Variants in NALCN observed in about 807,000 individuals in gnomAD.
NALCN encodes the protein sodium leak channel, non-selective.
NALCN carries 111 observed loss-of-function variants against 225.3 expected under a neutral mutation model. The observed-to-expected ratio is 0.49, with a 90% CI of 0.42 to 0.58. The LOEUF (loss-of-function observed/expected upper bound fraction) is 0.58, where lower values mean the gene tolerates loss of function less well. Ranked by LOEUF, NALCN falls within the 20% of genes least tolerant of loss-of-function variation. The pLI is 0.00. For missense variants in NALCN, 1,378 were observed against 2,202.4 expected, an observed-to-expected ratio of 0.63 and a Z score of 7.49; for synonymous variants, 764 against 769.0, an observed-to-expected ratio of 0.99 and a Z score of 0.11.
At chr13:101,266,922 C>T (rs990645514) in intron 10 of NALCN, among the ~76,000 whole-genome samples, 1 of 152,180 alleles carries the variant, frequency 6.6e-6, no homozygotes, top group African/African-American at 2.4e-5. Context: ...AAAGGTAACA[C>T]TTATATCAAC....
At chr13:101,192,094 G>C (rs369092069) in intron 13 of NALCN, 40 bp from the exon 14 acceptor site, 274 of 1,562,562 alleles carry the variant, frequency 1.8e-4, no homozygotes, top group Non-Finnish European at 2.2e-4. Flanking sequence ...ACTAGCTTTA[G>C]GCTTGCATAC....
At chr13:101,366,690 G>C (rs2046385084) in intron 6 of NALCN, among the ~76,000 whole-genome samples, 2 of 152,142 alleles carry the variant, frequency 1.3e-5, no homozygotes, top group Non-Finnish European at 2.9e-5. Context: ...GCAGCACCAT[G>C]TGATGTTTTG....
rs764012454 is a variant in NALCN at position 101,378,549 on chromosome 13, A to AT, written c.375+20dup. On this transcript the variant is annotated intron_variant, in intron 4 of 43. Coordinates refer to ENST00000251127, the MANE Select transcript of NALCN (RefSeq NM_052867.4). ...CCATTTTGGAGAATACCTGCTTGTA[A>AT]TTTAAAAAATATTTAATTACCTGTA... is the stretch of plus-strand genomic sequence containing the variant. The AT allele has an allele frequency of 3.8e-6, 6 of 1,579,332 alleles. No homozygotes were observed. The South Asian group carries it at 7.2e-5, about 19-fold the overall frequency.
At chr13:101,297,803 A>T (rs1438916550) in intron 7 of NALCN, among the ~76,000 whole-genome samples, 1 of 152,192 alleles carries the variant, frequency 6.6e-6, no homozygotes, top group Non-Finnish European at 1.5e-5. Flanking sequence ...ACTGTCTGGG[A>T]ATAGACTTTC....
intron 14 of NALCN, among the ~76,000 whole-genome samples, chr13:101,188,611 T>C: frequency 6.6e-6 from 1 of 150,768 alleles, no homozygotes; most frequent in Non-Finnish European, 1.5e-5. Flanking sequence ...TATATACATA[T>C]ATACACACAT....
rs1383354763 is a variant in NALCN, at chr13:101,147,353, TC to T, written c.1840-2458del. Among the ~76,000 whole-genome samples the T allele has an allele frequency of 4.6e-3, 631 of 137,526 alleles. 9 individuals are homozygous for T. The highest frequency in any genetic ancestry group is 0.016 in the African/African-American group (597 of 36,582). 90.2% of individuals were successfully genotyped at this position (137,526 alleles called of 152,430 possible). On this transcript the variant is annotated intron_variant, in intron 15 of 43. Transcript: ENST00000251127. Reference sequence around the variant, plus strand: ...CACTGCCTTTTTCTTCCTCTCTCTCTCTTTTTTTTTTTTTTTTTTGAGATGG... The same window carrying T: ...CACTGCCTTTTTCTTCCTCTCTCTCTTTTTTTTTTTTTTTTTTTGAGATGG...
chr13:101,166,163 G>A (rs556705362), intron 15 of NALCN, among the ~76,000 whole-genome samples: 7 of 152,186 alleles, frequency 4.6e-5, no homozygotes, highest in African/African-American at 1.7e-4. Flanking sequence ...GGACACTAGG[G>A]TTGCTTCCAC....
At position 101,055,338 on chromosome 13, in the gene NALCN, G is replaced by A; in HGVS notation, c.5174C>T (p.Thr1725Ile). The A allele has an allele frequency of 6.2e-7, 1 of 1,614,026 alleles. No individual in the cohort carries two copies. The highest frequency in any genetic ancestry group is 8.5e-7 in the Non-Finnish European group (1 of 1,179,946). The change falls in exon 44 of 44, where the codon ACT becomes ATT. Residue 1725 changes from threonine (T) to isoleucine (I), a missense_variant. By Grantham distance (89) the Thr-to-Ile change is moderately conservative. Transcript: ENST00000251127. ...EVKKWWTRQL[T>I]VESDESGDDL... The stretch of plus-strand genomic sequence containing the variant: ...ATCCCCACTTTCGTCGCTCTCCACA[G>A]TCAGCTGCCGGGTCCACCACTTCTT...
intron 6 of NALCN, among the ~76,000 whole-genome samples, chr13:101,349,437 G>C (rs2045841730): frequency 6.6e-6 from 1 of 152,166 alleles, no homozygotes; most frequent in Admixed American, 6.6e-5. Context: ...GGGAACTAAA[G>C]TTATAGGTGT....
At chr13:101,165,851 C>T (rs1454274871) in intron 15 of NALCN, among the ~76,000 whole-genome samples, 1 of 152,204 alleles carries the variant, frequency 6.6e-6, no homozygotes, top group Non-Finnish European at 1.5e-5. Flanking sequence ...ATCTCCAGAA[C>T]TTTTTCATCT....
intron 6 of NALCN, among the ~76,000 whole-genome samples, chr13:101,352,657 A>G (rs2045939297): frequency 6.6e-6 from 1 of 152,204 alleles, no homozygotes; most frequent in African/African-American, 2.4e-5. Flanking sequence ...ACTGTGACTG[A>G]TGCAGCATGA....
chr13:101,387,322 C>CACAT (rs988453420), intron 3 of NALCN, among the ~76,000 whole-genome samples: 3 of 149,104 alleles, frequency 2.0e-5, no homozygotes, highest in African/African-American at 7.4e-5. Context: ...CCACCCAGAA[C>CACAT]ACATGGCTAA....
At position 101,111,117 on chromosome 13, in the gene NALCN, G is replaced by A. The variant is rs1352591455; in HGVS notation, c.2294+8C>T. 6.2e-6 allele frequency: 10 copies of A among 1,600,970 alleles called. No homozygotes were observed. The highest frequency in any genetic ancestry group is 8.5e-6 in the Non-Finnish European group (10 of 1,170,154). On this transcript the variant is annotated splice_region_variant and intron_variant, in intron 19 of 43. Coordinates refer to ENST00000251127, the MANE Select transcript of NALCN (RefSeq NM_052867.4). ...AGTCTCTGAAGCCCTGTCTTCCCAA[G>A]TATTTACCTGCGCTCTTGGCGGATA...
chr13:101,397,109 T>TACAC lies in NALCN; in HGVS notation c.109-1745_109-1744insGTGT, dbSNP rs71121190. Among the ~76,000 whole-genome samples, 201 of 80,934 alleles carry TACAC rather than the reference T, an allele frequency of 2.5e-3. 5 individuals are homozygous for TACAC. Among genetic ancestry groups the TACAC allele is most frequent in the African/African-American group, 7.7e-3 (174 of 22,506 alleles). 53.1% of individuals were successfully genotyped at this position (80,934 alleles called of 152,430 possible). On this transcript the variant is annotated intron_variant, in intron 2 of 43. Coordinates refer to ENST00000251127, the MANE Select transcript of NALCN (RefSeq NM_052867.4). ...ATATATATATATATATATATATATA[T>TACAC]ACATACACATACATATATATAATGT...
At chr13:101,336,178 C>T (rs1313178813) in intron 7 of NALCN, among the ~76,000 whole-genome samples, 2 of 152,080 alleles carry the variant, frequency 1.3e-5, no homozygotes, top group African/African-American at 4.8e-5. Context: ...CAGCAAGATA[C>T]AGGGGTAGTC....
At chr13:101,083,827 G>A (rs373779664) in intron 30 of NALCN, 23 bp from the exon 31 acceptor site, 3 of 1,609,296 alleles carry the variant, frequency 1.9e-6, no homozygotes, top group Non-Finnish European at 2.5e-6. Flanking sequence ...AAGAAAGCAG[G>A]AAAAGGCCTT....
intron 34 of NALCN, among the ~76,000 whole-genome samples, chr13:101,078,114 G>T (rs1480529590): frequency 6.6e-6 from 1 of 152,218 alleles, no homozygotes; most frequent in African/African-American, 2.4e-5. Flanking sequence ...AGATTTCACA[G>T]GATGTATAGA....
At chr13:101,343,565 G>A (rs2045623910) in intron 7 of NALCN, among the ~76,000 whole-genome samples, 1 of 152,222 alleles carries the variant, frequency 6.6e-6, no homozygotes, top group Admixed American at 6.5e-5. Context: ...CTGTGAGCCA[G>A]GCATAGCCCT....
intron 3 of NALCN, among the ~76,000 whole-genome samples, chr13:101,379,956 T>C (rs56111949): frequency 0.32 from 37,511 of 117,336 alleles, 4,884 homozygotes; most frequent in Non-Finnish European, 0.37. Context: ...CAGTTCTGCA[T>C]AATAATATTG....
Sources: allele counts gnomAD v4.1 joint callset (sites outside exome capture counted in the v4.1 genomes callset), GRCh38; gene constraint gnomAD v4.1.1; transcripts MANE v1.5; gene names NCBI Gene and HGNC (gene_info 2026-07-23, HGNC 2026-07-21).